Variants in SCFD2 observed in about 807,000 individuals in gnomAD.
SCFD2 encodes the protein sec1 family domain containing 2.
SCFD2 carries 54 observed loss-of-function variants against 58.9 expected under a neutral mutation model. The ratio of observed to expected loss-of-function variants is 0.92; its 90% CI spans 0.74 to 1.15. SCFD2 has a LOEUF of 1.15. Ranked by LOEUF, SCFD2 falls within the 50% of genes most tolerant of loss-of-function variation. The probability of loss-of-function intolerance (pLI) is 0.00; values close to 1 mark genes in which losing one functional copy is unlikely to be tolerated. For missense variants in SCFD2, 805 were observed against 836.6 expected, an observed-to-expected ratio of 0.96 and a Z score of 0.47; for synonymous variants, 321 against 335.9, an observed-to-expected ratio of 0.96 and a Z score of 0.49.
chr4:53,280,228 T>C (rs1731467283), intron 3 of SCFD2, among the ~76,000 whole-genome samples: 1 of 152,132 alleles, frequency 6.6e-6, no homozygotes, highest in South Asian at 2.1e-4. Context: ...AGAAATTTTA[T>C]CTAGAGGCCA....
chr4:53,218,581 G>T (rs1158407128), intron 4 of SCFD2, among the ~76,000 whole-genome samples: 1 of 152,310 alleles, frequency 6.6e-6, no homozygotes, highest in Middle Eastern at 3.4e-3. Context: ...TTTGCGATGG[G>T]TTTGCACTTC....
chr4:53,159,952 C>A (rs190060049), intron 4 of SCFD2, among the ~76,000 whole-genome samples: 6 of 152,022 alleles, frequency 3.9e-5, no homozygotes, highest in East Asian at 1.9e-4. Context: ...AAAAAATGCA[C>A]GAAAAAGAAT....
chr4:53,328,551 G>A (rs190237313), intron 2 of SCFD2, among the ~76,000 whole-genome samples: 67 of 152,138 alleles, frequency 4.4e-4, no homozygotes, highest in Admixed American at 9.8e-4. Context: ...AATAAAATAC[G>A]AATCTATTAG....
At chr4:52,933,998 T>C (rs1560485479) in intron 5 of SCFD2, among the ~76,000 whole-genome samples, 1 of 152,160 alleles carries the variant, frequency 6.6e-6, no homozygotes. Flanking sequence ...CTTTGGAATT[T>C]CCAGTCTCCA....
chr4:53,295,433 CTGTT>C (rs1315566913), intron 3 of SCFD2, among the ~76,000 whole-genome samples: 2 of 152,080 alleles, frequency 1.3e-5, no homozygotes, highest in Admixed American at 6.5e-5. Flanking sequence ...TGATTTGGCT[CTGTT>C]TGTCTGTTAT....
At chr4:53,116,404 T>C (rs1429464095) in intron 5 of SCFD2, among the ~76,000 whole-genome samples, 2 of 152,168 alleles carry the variant, frequency 1.3e-5, no homozygotes, top group Non-Finnish European at 2.9e-5. Context: ...TAATAAATAA[T>C]GTACTGGCTG....
chr4:53,145,651 C>T (rs1187639875), intron 4 of SCFD2, 69 bp from the exon 5 acceptor site: 19 of 1,374,142 alleles, frequency 1.4e-5, no homozygotes, highest in Admixed American at 1.2e-4. Context: ...TTACATTAGT[C>T]GAATGATAGC....
intron 4 of SCFD2, among the ~76,000 whole-genome samples, chr4:53,271,575 GCCT>G (rs1264087753): frequency 1.3e-5 from 2 of 151,830 alleles, no homozygotes; most frequent in Admixed American, 1.3e-4. Context: ...AAATTCTCCT[GCCT>G]CAGCCTCCCG....
intron 7 of SCFD2, among the ~76,000 whole-genome samples, chr4:52,892,259 C>A (rs1718894937): frequency 6.6e-6 from 1 of 152,188 alleles, no homozygotes; most frequent in South Asian, 2.1e-4. Flanking sequence ...TGGAATCCAC[C>A]AGACTTCATC....
chr4:53,192,645 G>C (rs1256158888), intron 4 of SCFD2, among the ~76,000 whole-genome samples: 3 of 152,148 alleles, frequency 2.0e-5, no homozygotes, highest in Admixed American at 1.3e-4. Flanking sequence ...GTATGACTGC[G>C]TGCAAGTCAC....
chr4:52,973,130 A>C (rs968242813), intron 5 of SCFD2, among the ~76,000 whole-genome samples: 4 of 152,198 alleles, frequency 2.6e-5, no homozygotes, highest in African/African-American at 7.2e-5. Context: ...GAGCAAACAC[A>C]TTCAAAAGCT....
intron 4 of SCFD2, among the ~76,000 whole-genome samples, chr4:53,180,149 A>G (rs1280698194): frequency 6.6e-6 from 1 of 152,230 alleles, no homozygotes; most frequent in Non-Finnish European, 1.5e-5. Flanking sequence ...CACCAAGCGG[A>G]CCTAATAGAC....
At chr4:53,206,325 A>T (rs188643314) in intron 4 of SCFD2, among the ~76,000 whole-genome samples, 98 of 152,262 alleles carry the variant, frequency 6.4e-4, no homozygotes, top group African/African-American at 2.2e-3. Flanking sequence ...ATAAATAACT[A>T]AAAGTAGAAA....
chr4:52,961,655 GA>G (rs1289887759), intron 5 of SCFD2, among the ~76,000 whole-genome samples: 3 of 152,168 alleles, frequency 2.0e-5, no homozygotes, highest in Non-Finnish European at 4.4e-5. Flanking sequence ...CAAAGCAATG[GA>G]ATAAGAACTT....
chr4:53,357,056 G>A (rs528676456), intron 1 of SCFD2, among the ~76,000 whole-genome samples: 2 of 152,086 alleles, frequency 1.3e-5, no homozygotes, highest in Admixed American at 1.3e-4. Context: ...TTCCTAACTG[G>A]AAGGATTTGG....
chr4:53,147,501 G>C (rs1726368367), intron 4 of SCFD2, among the ~76,000 whole-genome samples: 1 of 152,154 alleles, frequency 6.6e-6, no homozygotes, highest in Admixed American at 6.5e-5. Context: ...AAAATAAAAT[G>C]TTCAGTCCTT....
At chr4:53,129,044 T>C (rs1162333642) in intron 5 of SCFD2, among the ~76,000 whole-genome samples, 1 of 152,238 alleles carries the variant, frequency 6.6e-6, no homozygotes, top group Non-Finnish European at 1.5e-5. Flanking sequence ...TTTTACAGTA[T>C]AATTTGGCTT....
intron 6 of SCFD2, among the ~76,000 whole-genome samples, chr4:52,915,930 A>G (rs1385584175): frequency 6.6e-6 from 1 of 152,228 alleles, no homozygotes; most frequent in East Asian, 1.9e-4. Context: ...GCCTGTTCAG[A>G]GAGCCACATT....
chr4:53,281,226 AG>A (rs1731498764), intron 3 of SCFD2, among the ~76,000 whole-genome samples: 5 of 152,346 alleles, frequency 3.3e-5, no homozygotes, highest in Admixed American at 3.3e-4. Flanking sequence ...ATAGAAATTT[AG>A]CATGCCTTTT....
Sources: allele counts gnomAD v4.1 joint callset (sites outside exome capture counted in the v4.1 genomes callset), GRCh38; gene constraint gnomAD v4.1.1; transcripts MANE v1.5; gene names NCBI Gene and HGNC (gene_info 2026-07-23, HGNC 2026-07-21).